ANKDD1A: variants seen among roughly 807,000 people sequenced by gnomAD.
ANKDD1A encodes ankyrin repeat and death domain containing 1A, also known as ankyrin repeat and death domain-containing protein 1A.
In ANKDD1A, 59 loss-of-function variants were observed where a neutral mutation model predicts 63.5. That is an observed-to-expected ratio of 0.93 (90% CI 0.75 to 1.15). The LOEUF (loss-of-function observed/expected upper bound fraction) is 1.15. Ranked by LOEUF, ANKDD1A falls within the 50% of genes most tolerant of loss-of-function variation. The pLI is 0.00. For synonymous variants in ANKDD1A, 266 were observed against 263.9 expected, an observed-to-expected ratio of 1.01 and a Z score of -0.08; for missense variants, 632 against 656.4, an observed-to-expected ratio of 0.96 and a Z score of 0.41.
rs760922307 is a variant in ANKDD1A, at chr15:64,915,802, C to T, written c.40C>T (p.Pro14Ser). ...ELAWETDGLLPLERQLHEAAR... is the reference protein window; with the variant it reads ...ELAWETDGLLSLERQLHEAAR... ...ACCCCATTTTCTCCCCACAGTGCTT[C>T]CTCTGGAGAGGCAGCTCCACGAGGC... The change falls in exon 2 of 15, where the codon CCT (proline) becomes TCT (serine). Residue 14 changes from proline (P) to serine (S), a missense_variant. Coordinates refer to ENST00000319580, the MANE Select transcript of ANKDD1A (RefSeq NM_182703.6). 6.2e-7 allele frequency: 1 copy of T among 1,613,980 alleles called. No individual in the cohort carries two copies. The highest frequency in any genetic ancestry group is 1.3e-5 in the African/African-American group (1 of 75,048).
intron 14 of ANKDD1A, among the ~76,000 whole-genome samples, chr15:64,952,924 TTAGTTC>T: frequency 1.8e-5 from 2 of 114,150 alleles, no homozygotes; most frequent in African/African-American, 5.4e-5. Flanking sequence ...CTCCTTCTTC[TTAGTTC>T]TTCTTCCTCT....
Position 64,952,526 on chromosome 15 carries a change from T to TCTCCTTC in ANKDD1A, c.1483+2555_1483+2556insTCCTTCC, listed in dbSNP as rs1454084462. Among the ~76,000 whole-genome samples the TCTCCTTC allele has an allele frequency of 2.8e-3, 415 of 147,534 alleles. 8 individuals carry two copies. Among genetic ancestry groups the TCTCCTTC allele is most frequent in the Admixed American group, 0.014 (208 of 14,856 alleles). On this transcript the variant is annotated intron_variant, in intron 14 of 14. Transcript: ENST00000319580. The stretch of plus-strand genomic sequence containing the variant: ...TCCTTCTTCTTACTTTCTTCTTCCT[T>TCTCCTTC]CGTCTTCTTCTCCTTCTCCTCCTCC...
At chr15:64,951,373 CTT>C (rs1011589413) in intron 14 of ANKDD1A, 9 of 432,854 alleles carry the variant, frequency 2.1e-5, no homozygotes, top group African/African-American at 1.0e-4. Flanking sequence ...CCTCTTTCTT[CTT>C]TCTTTTTCTT....
intron 14 of ANKDD1A, among the ~76,000 whole-genome samples, chr15:64,953,811 TTCTTCC>T (rs1395960331): frequency 1.5e-5 from 2 of 135,900 alleles, no homozygotes; most frequent in Non-Finnish European, 3.2e-5. Context: ...CCTTTTTTTC[TTCTTCC>T]TTATTCTTTT....
At chr15:64,911,991 G>A in intron 1 of ANKDD1A, 27 bp downstream of exon 1, 6 of 357,662 alleles carry the variant, frequency 1.7e-5, no homozygotes, top group East Asian at 5.6e-5. Flanking sequence ...GAGGGAGGGG[G>A]GCGGGCCGAG....
chr15:64,923,090 GGCAGAA>G (rs2085019562), intron 4 of ANKDD1A, among the ~76,000 whole-genome samples: 1 of 152,038 alleles, frequency 6.6e-6, no homozygotes, highest in Admixed American at 6.6e-5. Context: ...TTTTATGGTA[GGCAGAA>G]TAATGGCACC....
intron 4 of ANKDD1A, among the ~76,000 whole-genome samples, chr15:64,922,985 T>G (rs1277619968): frequency 6.6e-6 from 1 of 152,228 alleles, no homozygotes; most frequent in East Asian, 1.9e-4. Context: ...CTAGATCTTG[T>G]TGTTTAACGG....
rs2085110391 is a variant in ANKDD1A at position 64,934,227 on chromosome 15, T to C, written c.860T>C (p.Val287Ala). ...LIHAGGCANV[V>A]DHQGASPLHL... is the part of the protein sequence containing the mutation. The stretch of plus-strand genomic sequence containing the variant: ...CACGCAGGAGGCTGCGCCAACGTGG[T>C]TGATCATGTAAGTATGGTGCGAGTG... Residue 287 changes from valine to alanine, a missense_variant, in exon 9 of 15, where the codon GTT becomes GCT. Val to Ala is a moderately conservative substitution (Grantham distance 64). Transcript: ENST00000319580. 1.2e-6 allele frequency: 2 copies of C among 1,611,740 alleles called. No homozygotes were observed. Among genetic ancestry groups the C allele is most frequent in the Admixed American group, 1.7e-5 (1 of 59,818 alleles).
chr15:64,954,646 CTT>C (rs2085393069), intron 14 of ANKDD1A, among the ~76,000 whole-genome samples: 2 of 125,502 alleles, frequency 1.6e-5, no homozygotes, highest in African/African-American at 5.5e-5. Flanking sequence ...CTTCTTCCTT[CTT>C]CTTCTCCTTC....
At chr15:64,918,268 A>G (rs1333617219) in intron 3 of ANKDD1A, among the ~76,000 whole-genome samples, 1 of 152,232 alleles carries the variant, frequency 6.6e-6, no homozygotes, top group African/African-American at 2.4e-5. Flanking sequence ...AAAATTTTAA[A>G]ATAAAAAATA....
intron 14 of ANKDD1A, among the ~76,000 whole-genome samples, chr15:64,956,854 T>C (rs1159463569): frequency 3.3e-5 from 5 of 152,078 alleles, no homozygotes; most frequent in Admixed American, 1.3e-4. Context: ...AGCCCAGCCA[T>C]TTTTGGATTC....
intron 10 of ANKDD1A, chr15:64,943,198 T>C (rs1191606617): frequency 5.6e-6 from 2 of 355,842 alleles, no homozygotes; most frequent in African/African-American, 4.2e-5. Flanking sequence ...AGGGAAGTGG[T>C]TAGGTAAATT....
chr15:64,951,564 C>CTGCTCTTTTTCTTTT (rs1595858394), intron 14 of ANKDD1A: 2 of 122,692 alleles, frequency 1.6e-5, no homozygotes, highest in Non-Finnish European at 3.3e-5. Flanking sequence ...CTTTCTTTTT[C>CTGCTCTTTTTCTTTT]TTTTCTTTCT....
At chr15:64,947,305 A>G (rs1032502667) in intron 12 of ANKDD1A, 99 bp from the exon 13 acceptor site, 6 of 1,274,094 alleles carry the variant, frequency 4.7e-6, no homozygotes, top group African/African-American at 1.5e-5. Context: ...CAGGCACCCC[A>G]GCAGAGGTGG....
At position 64,917,623 on chromosome 15, in the gene ANKDD1A, G is replaced by A. The variant is rs982176682; in HGVS notation, c.267+109G>A. The A allele has an allele frequency of 1.1e-5, 16 of 1,453,526 alleles. No individual in the cohort carries two copies. The Admixed American group carries it at 2.2e-4, about 20-fold the overall frequency. The allele number at this position is 1,453,526 out of a possible 1,614,324, so 90.0% of individuals were successfully genotyped here. A position where few individuals can be genotyped will look rare whatever the true frequency, so the allele number is the denominator to read the frequency against. On this transcript the variant is annotated intron_variant, in intron 3 of 14. Coordinates refer to ENST00000319580, the MANE Select transcript of ANKDD1A (RefSeq NM_182703.6). ...GCTGCTAATATGCAGACATTCAGGT[G>A]CAGAGTGGTGGGGAGTCAGAGGCTT...
intron 11 of ANKDD1A, chr15:64,943,900 C>T: frequency 2.7e-6 from 1 of 365,854 alleles, no homozygotes; most frequent in Non-Finnish European, 5.2e-6. Flanking sequence ...AGACGAATAC[C>T]ACAGTACTGC....
intron 14 of ANKDD1A, among the ~76,000 whole-genome samples, chr15:64,952,116 TTTCTTC>T (rs2085298646): frequency 8.4e-5 from 1 of 11,942 alleles, no homozygotes; most frequent in African/African-American, 1.2e-4. Flanking sequence ...TTTCTTCTTC[TTTCTTC>T]TCTTTCTTCT....
chr15:64,925,820 G>A (rs571208937), intron 4 of ANKDD1A, among the ~76,000 whole-genome samples: 4 of 152,160 alleles, frequency 2.6e-5, no homozygotes, highest in South Asian at 2.1e-4. Flanking sequence ...TAACTGGCCC[G>A]AGACTCCGGA....
intron 14 of ANKDD1A, among the ~76,000 whole-genome samples, chr15:64,953,976 TCCTCTA>T (rs2085368630): frequency 1.5e-4 from 3 of 19,714 alleles, no homozygotes; most frequent in African/African-American, 1.9e-4. Context: ...TCTTCTTTCT[TCCTCTA>T]TCTTCTTCCT....
Sources: gnomAD v4.1 joint callset for allele counts (sites outside exome capture counted in the v4.1 genomes callset) on GRCh38, gnomAD v4.1.1 for gene constraint, MANE v1.5 for transcripts, NCBI Gene and HGNC (gene_info 2026-07-23, HGNC 2026-07-21) for gene names.